The following RUNDC3B variants were observed in gnomAD, a reference collection of about 807,000 sequenced individuals.
RUNDC3B encodes the protein RUN domain containing 3B, also known as RUN domain-containing protein 3B.
Under a neutral mutation model 58.4 loss-of-function variants are expected in RUNDC3B, and 33 were observed. The observed-to-expected ratio is 0.56, with a 90% CI of 0.43 to 0.75. The LOEUF is 0.75. Ranked by LOEUF, RUNDC3B falls within the 30% of genes least tolerant of loss-of-function variation. The pLI is 0.00. For synonymous variants in RUNDC3B, 193 were observed against 195.2 expected, an observed-to-expected ratio of 0.99 and a Z score of 0.10; for missense variants, 501 against 535.7, an observed-to-expected ratio of 0.94 and a Z score of 0.64.
intron 6 of RUNDC3B, among the ~76,000 whole-genome samples, chr7:87,745,551 T>G (rs1437230871): frequency 1.3e-5 from 2 of 152,140 alleles, no homozygotes; most frequent in African/African-American, 4.8e-5. Flanking sequence ...AGGGTTGTAT[T>G]TTTCCATGAA....
intron 1 of RUNDC3B, among the ~76,000 whole-genome samples, chr7:87,639,174 A>AC (rs1251347941): frequency 2.0e-5 from 3 of 151,730 alleles, no homozygotes. Flanking sequence ...AAAAAAAAAA[A>AC]AATCTATTGT....
intron 6 of RUNDC3B, among the ~76,000 whole-genome samples, chr7:87,751,439 G>A (rs1832977591): frequency 6.6e-6 from 1 of 152,226 alleles, no homozygotes. Flanking sequence ...AGCTTGATGG[G>A]GATGGCATTG....
chr7:87,666,504 T>C (rs1488791391), intron 2 of RUNDC3B, among the ~76,000 whole-genome samples: 1 of 152,160 alleles, frequency 6.6e-6, no homozygotes, highest in African/African-American at 2.4e-5. Flanking sequence ...TTAGATCCAT[T>C]TGTCAATTTT....
chr7:87,713,083 A>G (rs753030816), intron 4 of RUNDC3B: 1 of 152,128 alleles, frequency 6.6e-6, no homozygotes, highest in Non-Finnish European at 1.5e-5. Flanking sequence ...TTGATTGCAA[A>G]CTTCTAGTCA....
In RUNDC3B at chr7:87,831,622, A is replaced by G. The variant is rs1415443967; in HGVS notation, c.*1592A>G. 6.6e-6 allele frequency: 1 copy of G among 151,934 alleles called. No individual in the cohort carries two copies. 9.4% of individuals were successfully genotyped at this position (151,934 alleles called of 1,614,324 possible). Reference sequence around the variant, plus strand: ...TACATTTTTTGTTCTCAATTTCTCAATTCTACATACCTGATTATGAGTGAA... The same window carrying G: ...TACATTTTTTGTTCTCAATTTCTCAGTTCTACATACCTGATTATGAGTGAA... On this transcript the variant is annotated 3_prime_UTR_variant, in exon 11 of 11. Transcript: ENST00000394654.
chr7:87,753,762 C>T (rs1489020071), intron 6 of RUNDC3B, among the ~76,000 whole-genome samples: 2 of 152,120 alleles, frequency 1.3e-5, no homozygotes, highest in South Asian at 2.1e-4. Context: ...GTCAACTCCA[C>T]CTCAATTTAA....
At chr7:87,790,794 A>T (rs1484158526) in intron 8 of RUNDC3B, among the ~76,000 whole-genome samples, 1 of 152,074 alleles carries the variant, frequency 6.6e-6, no homozygotes, top group African/African-American at 2.4e-5. Flanking sequence ...TCAGAGTCAG[A>T]GGAGACAAAA....
intron 1 of RUNDC3B, among the ~76,000 whole-genome samples, chr7:87,638,611 ATT>A (rs879545318): frequency 7.1e-6 from 1 of 139,900 alleles, no homozygotes; most frequent in Non-Finnish European, 1.6e-5. Flanking sequence ...TATATTGTCA[ATT>A]TTTTTTTTTT....
intron 2 of RUNDC3B, among the ~76,000 whole-genome samples, chr7:87,670,610 C>T (rs1330274875): frequency 6.6e-6 from 1 of 152,154 alleles, no homozygotes; most frequent in Non-Finnish European, 1.5e-5. Context: ...TGTGGGTGTT[C>T]CTTTATCTGC....
intron 4 of RUNDC3B, among the ~76,000 whole-genome samples, chr7:87,738,156 T>C (rs1832096077): frequency 6.6e-6 from 1 of 152,062 alleles, no homozygotes; most frequent in South Asian, 2.1e-4. Flanking sequence ...AAGATTCTTT[T>C]CCAAATTCAT....
At chr7:87,774,699 C>T (rs1004694753) in intron 7 of RUNDC3B, among the ~76,000 whole-genome samples, 9 of 151,954 alleles carry the variant, frequency 5.9e-5, no homozygotes, top group East Asian at 3.8e-4. Flanking sequence ...TCCAATCCCC[C>T]GCCAAAAAAA....
intron 10 of RUNDC3B, among the ~76,000 whole-genome samples, chr7:87,825,578 C>T (rs984332484): frequency 3.3e-5 from 5 of 152,210 alleles, no homozygotes; most frequent in Non-Finnish European, 7.3e-5. Context: ...CCTAGTGGAG[C>T]TGTGAGAAAA....
intron 4 of RUNDC3B, among the ~76,000 whole-genome samples, chr7:87,718,414 A>G (rs765018818): frequency 6.6e-6 from 1 of 152,170 alleles, no homozygotes; most frequent in Non-Finnish European, 1.5e-5. Flanking sequence ...AGCATAAACT[A>G]CATTTTTTGT....
At chr7:87,766,387 C>CT (rs1354673171) in intron 6 of RUNDC3B, among the ~76,000 whole-genome samples, 1 of 152,022 alleles carries the variant, frequency 6.6e-6, no homozygotes, top group South Asian at 2.1e-4. Context: ...GAGTATCGTC[C>CT]TTTTTTTATG....
intron 2 of RUNDC3B, among the ~76,000 whole-genome samples, chr7:87,671,607 C>T (rs1025606118): frequency 6.6e-6 from 1 of 152,152 alleles, no homozygotes; most frequent in Non-Finnish European, 1.5e-5. Context: ...GGAGCTTTGT[C>T]CCTGGGAGGT....
intron 5 of RUNDC3B, among the ~76,000 whole-genome samples, chr7:87,740,751 A>G (rs1015017552): frequency 6.6e-6 from 1 of 152,192 alleles, no homozygotes; most frequent in Admixed American, 6.5e-5. Flanking sequence ...ATAAGCTAGT[A>G]TTAGGTTTAA....
chr7:87,676,573 G>A (rs1391235513), intron 2 of RUNDC3B, among the ~76,000 whole-genome samples: 1 of 151,574 alleles, frequency 6.6e-6, no homozygotes, highest in Non-Finnish European at 1.5e-5. Flanking sequence ...GTATAGTGGT[G>A]TATGCCTGTA....
chr7:87,747,068 G>C (rs1338586726), intron 6 of RUNDC3B, among the ~76,000 whole-genome samples: 1 of 152,096 alleles, frequency 6.6e-6, no homozygotes, highest in Non-Finnish European at 1.5e-5. Flanking sequence ...ATATTACCAG[G>C]GTTGGTTTTC....
At position 87,830,212 on chromosome 7, in the gene RUNDC3B, C is replaced by A; in HGVS notation, c.*182C>A. The A allele has an allele frequency of 3.1e-5, 11 of 359,954 alleles. No homozygotes were observed. Among genetic ancestry groups the A allele is most frequent in the Non-Finnish European group, 4.5e-5 (9 of 202,048 alleles). 22.3% of individuals were successfully genotyped at this position (359,954 alleles called of 1,614,324 possible). A position where few individuals can be genotyped will look rare whatever the true frequency, so the allele number is the denominator to read the frequency against. ...AAAACATAATGATCCTGCCATTTTT[C>A]ATTTTTAAAATTCTTACATTTGTCA... On this transcript the variant is annotated 3_prime_UTR_variant, in exon 11 of 11. Coordinates refer to ENST00000394654, the MANE Select transcript of RUNDC3B (RefSeq NM_001134405.2).
Sources: gnomAD v4.1 joint callset for allele counts (sites outside exome capture counted in the v4.1 genomes callset) on GRCh38, gnomAD v4.1.1 for gene constraint, MANE v1.5 for transcripts, NCBI Gene and HGNC (gene_info 2026-07-23, HGNC 2026-07-21) for gene names.